Variants in SLC44A5 observed in about 807,000 individuals in gnomAD.
The protein encoded by SLC44A5 is solute carrier family 44 member 5.
A neutral mutation model predicts 101.8 loss-of-function variants in SLC44A5; 57 were observed. The ratio of observed to expected loss-of-function variants is 0.56; its 90% CI spans 0.45 to 0.70. The LOEUF is 0.70. SLC44A5 is among the 30% of genes least tolerant of loss of function. The pLI is 0.00. For missense variants in SLC44A5, 737 were observed against 853.1 expected, an observed-to-expected ratio of 0.86 and a Z score of 1.70; for synonymous variants, 281 against 290.9, an observed-to-expected ratio of 0.97 and a Z score of 0.35.
At chr1:75,347,842 T>G (rs74094262) in intron 3 of SLC44A5, among the ~76,000 whole-genome samples, 1,697 of 152,256 alleles carry the variant, frequency 0.011, 39 homozygotes, top group African/African-American at 0.039. Context: ...GTGGACCATA[T>G]GTGAGGCAGA....
chr1:75,647,155 G>A, the SLC44A5 span, among the ~76,000 whole-genome samples: 3 of 152,168 alleles, frequency 2.0e-5, no homozygotes, highest in East Asian at 5.8e-4. Context: ...CTTGGGACTT[G>A]GTGCCCTGCA....
chr1:75,540,832 AG>A (rs1163722157), intron 2 of SLC44A5, among the ~76,000 whole-genome samples: 1 of 152,200 alleles, frequency 6.6e-6, no homozygotes, highest in Admixed American at 6.5e-5. Flanking sequence ...CTAAGTCCGA[AG>A]AAGGTAAAAA....
At chr1:75,362,919 C>T (rs1178742368) in intron 3 of SLC44A5, among the ~76,000 whole-genome samples, 1 of 151,986 alleles carries the variant, frequency 6.6e-6, no homozygotes, top group Non-Finnish European at 1.5e-5. Flanking sequence ...TTGAAAGTGG[C>T]ATATTGAAGT....
At chr1:75,331,634 T>C (rs1657063245) in intron 4 of SLC44A5, among the ~76,000 whole-genome samples, 1 of 152,168 alleles carries the variant, frequency 6.6e-6, no homozygotes, top group Non-Finnish European at 1.5e-5. Context: ...CTCACTCTGT[T>C]ACTAAAACCC....
At chr1:75,544,042 T>G (rs962255596) in intron 1 of SLC44A5, among the ~76,000 whole-genome samples, 1 of 152,178 alleles carries the variant, frequency 6.6e-6, no homozygotes, top group Non-Finnish European at 1.5e-5. Context: ...TTGAAAGTTT[T>G]CCCCTCTCAA....
chr1:75,709,431 G>A, the SLC44A5 span, among the ~76,000 whole-genome samples: 1 of 152,188 alleles, frequency 6.6e-6, no homozygotes, highest in African/African-American at 2.4e-5. Context: ...TCTTATTACA[G>A]ACCGATCCTG....
At chr1:75,429,487 C>T (rs1157114057) in intron 2 of SLC44A5, among the ~76,000 whole-genome samples, 1 of 152,174 alleles carries the variant, frequency 6.6e-6, no homozygotes, top group Non-Finnish European at 1.5e-5. Flanking sequence ...TGTCTAAGCA[C>T]TGATCCATTC....
At chr1:75,443,104 T>G (rs1274188897) in intron 2 of SLC44A5, among the ~76,000 whole-genome samples, 1 of 152,118 alleles carries the variant, frequency 6.6e-6, no homozygotes, top group Non-Finnish European at 1.5e-5. Context: ...TCATAAAAAA[T>G]TACCATTTTT....
At chr1:75,693,847 G>T in the SLC44A5 span, among the ~76,000 whole-genome samples, 6 of 152,076 alleles carry the variant, frequency 3.9e-5, no homozygotes, top group Non-Finnish European at 7.4e-5. Context: ...GGTCTAGTAA[G>T]ATGAAGAATA....
At chr1:75,464,171 G>A (rs778937335) in intron 2 of SLC44A5, among the ~76,000 whole-genome samples, 48 of 135,422 alleles carry the variant, frequency 3.5e-4, no homozygotes, top group Admixed American at 1.8e-3. Context: ...GCAGTGAACC[G>A]AGATTGCACC....
chr1:75,624,593 A>G, the SLC44A5 span, among the ~76,000 whole-genome samples: 1 of 152,136 alleles, frequency 6.6e-6, no homozygotes, highest in Non-Finnish European at 1.5e-5. Flanking sequence ...GGAAATCTGG[A>G]GAATGAAAAA....
intron 2 of SLC44A5, among the ~76,000 whole-genome samples, chr1:75,453,688 C>T (rs559260323): frequency 3.0e-4 from 45 of 151,988 alleles, no homozygotes; most frequent in African/African-American, 9.9e-4. Context: ...AGGATACAAA[C>T]GAGCTCAATC....
rs115355929 is a variant in SLC44A5, at chr1:75,206,190, G to T, written c.2048-2357C>A. The T allele has an allele frequency of 6.2e-3, 995 of 161,670 alleles. 17 individuals carry two copies. The highest frequency in any genetic ancestry group is 0.023 in the African/African-American group (955 of 41,610). 10.0% of individuals were successfully genotyped at this position (161,670 alleles called of 1,614,324 possible). Reference sequence around the variant, plus strand: ...CCATAGCACCATATTTACAAATTTAGTACCATATGCTGGTTAACTATAAAT... The same window carrying T: ...CCATAGCACCATATTTACAAATTTATTACCATATGCTGGTTAACTATAAAT... On this transcript the variant is annotated intron_variant, in intron 23 of 23. Coordinates refer to ENST00000370859, the MANE Select transcript of SLC44A5 (RefSeq NM_001130058.2).
Position 75,203,831 on chromosome 1 carries a change from C to G in SLC44A5, c.2050G>C (p.Glu684Gln). 3 of 1,547,930 alleles carry G rather than the reference C, an allele frequency of 1.9e-6. No individual in the cohort carries two copies. Among genetic ancestry groups the G allele is most frequent in the Non-Finnish European group, 2.6e-6 (3 of 1,145,310 alleles). ...CVETIFICFLEDLERNDGSTA... is the reference protein window; with the variant it reads ...CVETIFICFLQDLERNDGSTA... ...GAACCATCATTTCTTTCTAAATCTTCCACTAGGAGGAAGAATGGTACAGAG... is the reference window on the plus strand; with the variant it reads ...GAACCATCATTTCTTTCTAAATCTTGCACTAGGAGGAAGAATGGTACAGAG... The change falls in exon 24 of 24, where the codon GAA (glutamate) becomes CAA (glutamine). Residue 684 changes from glutamate (E) to glutamine (Q), a missense_variant and splice_region_variant. Around this residue, in one of 3 missense-constraint regions of SLC44A5, gnomAD observed 61 missense variants for 56.5 expected, o/e 1.08. Transcript: ENST00000370859.
the SLC44A5 span, among the ~76,000 whole-genome samples, chr1:75,674,707 G>A: frequency 6.8e-6 from 1 of 147,280 alleles, no homozygotes; most frequent in African/African-American, 2.5e-5. Context: ...AAAAAATGAA[G>A]TGCACCTACA....
chr1:75,312,821 A>G (rs1245430783), intron 4 of SLC44A5, among the ~76,000 whole-genome samples: 1 of 152,134 alleles, frequency 6.6e-6, no homozygotes, highest in Non-Finnish European at 1.5e-5. Context: ...GTTCACTCGC[A>G]ACATTTCATA....
the SLC44A5 span, among the ~76,000 whole-genome samples, chr1:75,675,107 T>C: frequency 6.6e-6 from 1 of 152,212 alleles, no homozygotes; most frequent in Non-Finnish European, 1.5e-5. Flanking sequence ...TCTTTTCTGG[T>C]TTCATACGAA....
intron 3 of SLC44A5, among the ~76,000 whole-genome samples, chr1:75,394,884 G>A (rs1025673632): frequency 6.6e-6 from 1 of 152,038 alleles, no homozygotes; most frequent in Admixed American, 6.6e-5. Flanking sequence ...CTTAGGATCT[G>A]GGAGTGTTTC....
chr1:75,717,844 G>A, the SLC44A5 span, among the ~76,000 whole-genome samples: 1 of 152,126 alleles, frequency 6.6e-6, no homozygotes, highest in African/African-American at 2.4e-5. Context: ...AACATTAAAG[G>A]GCCAATTTTC....
Sources: gnomAD v4.1 joint callset for allele counts (sites outside exome capture counted in the v4.1 genomes callset) on GRCh38, gnomAD v4.1.1 for gene constraint, gnomAD v4.1.1 regional missense constraint, MANE v1.5 for transcripts, NCBI Gene and HGNC (gene_info 2026-07-23, HGNC 2026-07-21) for gene names.